MECOM: variants seen among roughly 807,000 people sequenced by gnomAD.
MECOM encodes the protein histone-lysine N-methyltransferase MECOM.
MECOM carries 13 observed loss-of-function variants against 116.3 expected under a neutral mutation model. That is an observed-to-expected ratio of 0.11 (90% CI 0.07 to 0.18). The LOEUF is 0.18. Among genes scored for constraint, MECOM ranks in the 10% least tolerant of loss-of-function variants. The probability of loss-of-function intolerance (pLI) is 1.00; values close to 1 mark genes in which losing one functional copy is unlikely to be tolerated. For missense variants in MECOM, 1,299 were observed against 1,509.0 expected (o/e 0.86, Z 2.31); for synonymous variants, 528 against 535.2 (o/e 0.99, Z 0.19).
At chr3:169,445,814 C>G (rs192127042) in intron 1 of MECOM, among the ~76,000 whole-genome samples, 7 of 152,334 alleles carry the variant, frequency 4.6e-5, no homozygotes, top group African/African-American at 1.7e-4. Context: ...CCATGGGAAC[C>G]CCCTCTTGCA....
Position 169,116,291 on chromosome 3 carries a change from G to C in MECOM, c.1581C>G (p.Pro527=), listed in dbSNP as rs753495560. 2 of 1,614,172 alleles carry C rather than the reference G, an allele frequency of 1.2e-6. No individual in the cohort carries two copies. Among genetic ancestry groups the C allele is most frequent in the Non-Finnish European group, 1.7e-6 (2 of 1,180,024 alleles). Residue 527 remains proline (P), a synonymous_variant, in exon 8 of 17, where the codon CCC becomes CCG. Transcript: ENST00000651503. ...STEQTNKSQS[P]LMTHPQILPA... is the part of the protein sequence containing the mutation. ...GCAGTATCTGAGGATGTGTCATGAG[G>C]GGACTTTGACTTTTGTTTGTCTGTT... is the stretch of plus-strand genomic sequence containing the variant.
intron 2 of MECOM, among the ~76,000 whole-genome samples, chr3:169,267,956 T>C (rs1487123398): frequency 6.6e-6 from 1 of 152,122 alleles, no homozygotes; most frequent in Non-Finnish European, 1.5e-5. Flanking sequence ...TATTTCATTC[T>C]GGAAGATGTC....
chr3:169,365,237 T>A (rs1728972171), intron 2 of MECOM, among the ~76,000 whole-genome samples: 1 of 152,032 alleles, frequency 6.6e-6, no homozygotes, highest in Non-Finnish European at 1.5e-5. Flanking sequence ...AATTAACACA[T>A]CAGCAATAGC....
intron 8 of MECOM, 46 bp from the exon 9 acceptor site, chr3:169,112,920 T>A: frequency 7.6e-7 from 1 of 1,313,920 alleles, no homozygotes; most frequent in Non-Finnish European, 1.1e-6. Flanking sequence ...GTCTCACATA[T>A]CAATCACTAC....
intron 2 of MECOM, among the ~76,000 whole-genome samples, chr3:169,150,934 G>A (rs1198613458): frequency 6.6e-6 from 1 of 152,120 alleles, no homozygotes; most frequent in Admixed American, 6.5e-5. Context: ...CCAGCTGTGT[G>A]GATTGCAGAA....
At chr3:169,368,076 T>C (rs894372430) in intron 2 of MECOM, among the ~76,000 whole-genome samples, 1 of 152,088 alleles carries the variant, frequency 6.6e-6, no homozygotes, top group African/African-American at 2.4e-5. Flanking sequence ...TTGGTGTCTA[T>C]TTGCACACGT....
chr3:169,173,201 T>C (rs1345971837), intron 2 of MECOM, among the ~76,000 whole-genome samples: 1 of 152,186 alleles, frequency 6.6e-6, no homozygotes. Flanking sequence ...TTGTTTGGCA[T>C]TTATGACCCA....
intron 1 of MECOM, among the ~76,000 whole-genome samples, chr3:169,489,639 G>T (rs1279494106): frequency 6.6e-6 from 1 of 152,020 alleles, no homozygotes; most frequent in East Asian, 1.9e-4. Context: ...TAAATCAGTG[G>T]GGAAAAGAAT....
chr3:169,629,377 T>C (rs2109955924), intron 1 of MECOM, among the ~76,000 whole-genome samples: 1 of 152,192 alleles, frequency 6.6e-6, no homozygotes, highest in South Asian at 2.1e-4. Flanking sequence ...TGTTGTAGTA[T>C]ATATACCCTT....
rs1028571401 is a variant in MECOM at position 169,430,512 on chromosome 3, A to G, written c.38-48988T>C. Among the ~76,000 whole-genome samples, 4 of 152,184 alleles carry G rather than the reference A, an allele frequency of 2.6e-5. No homozygotes were observed. The East Asian group carries it at 7.7e-4, about 29-fold the overall frequency. On this transcript the variant is annotated intron_variant, in intron 1 of 16. Coordinates refer to ENST00000651503, the MANE Select transcript of MECOM (RefSeq NM_004991.4). Reference sequence around the variant, plus strand: ...CTCAGGTTCTAGGCTTACAGTGGTAACAGATAAAACAATTCCTGTATTTCA... The same window carrying G: ...CTCAGGTTCTAGGCTTACAGTGGTAGCAGATAAAACAATTCCTGTATTTCA...
At chr3:169,556,485 A>C (rs150717317) in intron 1 of MECOM, among the ~76,000 whole-genome samples, 532 of 152,296 alleles carry the variant, frequency 3.5e-3, no homozygotes, top group African/African-American at 0.012. Flanking sequence ...TAACTGAACA[A>C]AATTTACTGA....
At chr3:169,364,282 T>C (rs1167059701) in intron 2 of MECOM, among the ~76,000 whole-genome samples, 2 of 152,012 alleles carry the variant, frequency 1.3e-5, no homozygotes, top group Non-Finnish European at 2.9e-5. Context: ...AAGGACATTA[T>C]TACTGCATAA....
intron 1 of MECOM, among the ~76,000 whole-genome samples, chr3:169,567,683 C>T (rs1055841366): frequency 6.6e-6 from 1 of 152,118 alleles, no homozygotes; most frequent in Admixed American, 6.5e-5. Flanking sequence ...ACTTCCAGCC[C>T]AGGGCTCTTT....
chr3:169,347,306 TAGAG>T (rs1725529961), intron 2 of MECOM, among the ~76,000 whole-genome samples: 1 of 151,998 alleles, frequency 6.6e-6, no homozygotes, highest in South Asian at 2.1e-4. Flanking sequence ...ATTAGCTACA[TAGAG>T]AAAGATATCC....
intron 1 of MECOM, among the ~76,000 whole-genome samples, chr3:169,386,434 T>C (rs2108308446): frequency 6.6e-6 from 1 of 152,296 alleles, no homozygotes; most frequent in African/African-American, 2.4e-5. Context: ...AACTTGTTTT[T>C]CGATCCTTAA....
chr3:169,137,794 G>C (rs995247421), intron 3 of MECOM, among the ~76,000 whole-genome samples: 3 of 152,156 alleles, frequency 2.0e-5, no homozygotes, highest in African/African-American at 2.4e-5. Flanking sequence ...AGAGAGAATT[G>C]TTAGTTCTAG....
At chr3:169,472,557 AG>A (rs1749589245) in intron 1 of MECOM, among the ~76,000 whole-genome samples, 1 of 63,262 alleles carries the variant, frequency 1.6e-5, no homozygotes, top group South Asian at 5.0e-4. Context: ...GGAAAAGAAA[AG>A]AGAGGAGAGG....
rs952902205 is a variant in MECOM, at chr3:169,428,539, C to T, written c.38-47015G>A. ...ACAGGCCTAATAACAGGCCGTGGACCGGTACTGCAGGATTGCAGACCCCTG... is the reference window on the plus strand; with the variant it reads ...ACAGGCCTAATAACAGGCCGTGGACTGGTACTGCAGGATTGCAGACCCCTG... On this transcript the variant is annotated intron_variant, in intron 1 of 16. Transcript: ENST00000651503. Among the ~76,000 whole-genome samples the T allele has an allele frequency of 7.9e-5, 12 of 152,276 alleles. No homozygotes were observed. The South Asian group carries it at 1.7e-3, about 21-fold the overall frequency.
intron 1 of MECOM, among the ~76,000 whole-genome samples, chr3:169,488,372 CAAAAAAAAAAAAAA>C (rs758493062): frequency 4.8e-5 from 3 of 62,400 alleles, no homozygotes; most frequent in South Asian, 6.8e-4. Flanking sequence ...ACTAAAAATA[CAAAAAAAAAAAAAA>C]AAAAAAAAAA....
Sources: allele counts gnomAD v4.1 joint callset (sites outside exome capture counted in the v4.1 genomes callset), GRCh38; gene constraint gnomAD v4.1.1; transcripts MANE v1.5; gene names NCBI Gene and HGNC (gene_info 2026-07-23, HGNC 2026-07-21).